CUL4A: variants seen among roughly 807,000 people sequenced by gnomAD.
The protein encoded by CUL4A is cullin 4A.
CUL4A carries 16 observed loss-of-function variants against 95.5 expected under a neutral mutation model. The ratio of observed to expected loss-of-function variants is 0.17; its 90% confidence interval spans 0.11 to 0.25. The LOEUF is 0.25. Ranked by LOEUF, CUL4A falls within the 10% of genes least tolerant of loss-of-function variation. The pLI is 1.00. For missense variants in CUL4A, 610 were observed against 937.0 expected (o/e 0.65, Z 4.56); for synonymous variants, 380 against 353.1 (o/e 1.08, Z -0.85).
In CUL4A at chr13:113,243,066, C is replaced by T; in HGVS notation, c.1134C>T (p.Val378=). ...FKDKVDHVIE[V]CFQKNERFVN... ...ACAAGGTGGACCACGTGATCGAGGT[C>T]TGCTTCCAGAAGAATGAGCGGTTCG... The change falls in exon 11 of 20, where the codon GTC becomes GTT. Residue 378 remains valine (V), a synonymous_variant. Transcript: ENST00000375440. 6.2e-7 allele frequency: 1 copy of T among 1,614,198 alleles called. No homozygotes were observed. The highest frequency in any genetic ancestry group is 1.1e-5 in the South Asian group (1 of 91,086).
intron 10 of CUL4A, among the ~76,000 whole-genome samples, 153 bp downstream of exon 10, chr13:113,239,704 T>C (rs1177767263): frequency 6.6e-6 from 1 of 152,220 alleles, no homozygotes; most frequent in East Asian, 1.9e-4. Context: ...GACAGTAGGC[T>C]TCCATCTGCT....
intron 15 of CUL4A, among the ~76,000 whole-genome samples, chr13:113,250,762 A>G (rs1230777875): frequency 1.3e-5 from 2 of 152,186 alleles, no homozygotes; most frequent in Non-Finnish European, 2.9e-5. Context: ...TGGTAATGGC[A>G]TAGTAGATAC....
chr13:113,231,436 G>T (rs539423901), intron 5 of CUL4A, among the ~76,000 whole-genome samples: 24 of 152,302 alleles, frequency 1.6e-4, no homozygotes, highest in African/African-American at 5.5e-4. Context: ...GAAGAAGCCT[G>T]TGTGGGGAGT....
chr13:113,241,601 G>A (rs2041712660), intron 10 of CUL4A, among the ~76,000 whole-genome samples: 1 of 146,492 alleles, frequency 6.8e-6, no homozygotes, highest in Non-Finnish European at 1.5e-5. Flanking sequence ...TGCAACCTCT[G>A]CCTCCTGGGT....
chr13:113,256,590 ATTTTGATTTCTGATTC>A lies in CUL4A; in HGVS notation c.2031+1469_2031+1484del, dbSNP rs1452481937. On this transcript the variant is annotated intron_variant, in intron 18 of 19. Coordinates refer to ENST00000375440, the MANE Select transcript of CUL4A (RefSeq NM_001008895.4). ...CCAAAGATAGTTTGTTGCAGTTTTC[ATTTTGATTTCTGATTC>A]TTTACAGCATCTTTCTACCACTCAG... Among the ~76,000 whole-genome samples, 8 of 152,266 alleles carry A rather than the reference ATTTTGATTTCTGATTC, an allele frequency of 5.3e-5. No homozygotes were observed. In the East Asian group the frequency reaches 1.5e-3, roughly 29 times the overall value.
Position 113,245,069 on chromosome 13 carries a change from TG to T in CUL4A, c.1444+14del. On this transcript the variant is annotated intron_variant, in intron 13 of 19. Coordinates refer to ENST00000375440, the MANE Select transcript of CUL4A (RefSeq NM_001008895.4). ...TCAAAGCTCAAGCATGGTAAGTATG[TG>T]GGGCCTGGGCTCCTCCCCTGTAACT... 5.6e-6 allele frequency: 9 copies of T among 1,612,162 alleles called. No individual in the cohort carries two copies. The highest frequency in any genetic ancestry group is 7.6e-6 in the Non-Finnish European group (9 of 1,178,156).
At chr13:113,254,553 C>T (rs1036888260) in intron 16 of CUL4A, 140 bp from the exon 17 acceptor site, 34 of 559,816 alleles carry the variant, frequency 6.1e-5, no homozygotes, top group Non-Finnish European at 9.0e-5. Context: ...TGAGATTGTG[C>T]CACTGCACTC....
At chr13:113,224,271 T>A (rs2041018177) in intron 3 of CUL4A, among the ~76,000 whole-genome samples, 1 of 151,794 alleles carries the variant, frequency 6.6e-6, no homozygotes, top group African/African-American at 2.4e-5. Context: ...GAGAATGGCA[T>A]GAACCCGGGA....
intron 15 of CUL4A, among the ~76,000 whole-genome samples, chr13:113,249,143 A>G (rs1187656615): frequency 6.6e-6 from 1 of 152,194 alleles, no homozygotes; most frequent in Non-Finnish European, 1.5e-5. Flanking sequence ...CAGAAATGGA[A>G]TCACAATATG....
Position 113,233,250 on chromosome 13 carries a change from A to C in CUL4A, c.586A>C (p.Ile196Leu), listed in dbSNP as rs1437485650. Residue 196 changes from isoleucine (I) to leucine (L), a missense_variant, in exon 6 of 20, where the codon ATC becomes CTC. Transcript: ENST00000375440. ...GGTTCAGAGTAAAACCATTGATGGA[A>C]TCCTACTGCTGATCGAGCGCGAGAG... ...KMVQSKTIDG[I>L]LLLIERERSG... The C allele has an allele frequency of 3.7e-6, 6 of 1,614,132 alleles. No individual in the cohort carries two copies. In the Admixed American group the frequency reaches 6.7e-5, roughly 18 times the overall value.
Position 113,263,498 on chromosome 13 carries a change from G to A in CUL4A, c.2196G>A (p.Leu732=). The A allele has an allele frequency of 6.3e-7, 1 of 1,598,692 alleles. No homozygotes were observed. Among genetic ancestry groups the A allele is most frequent in the Non-Finnish European group, 8.5e-7 (1 of 1,173,500 alleles). The change falls in exon 20 of 20, where the codon TTG becomes TTA. Residue 732 remains leucine, a synonymous_variant. Coordinates refer to ENST00000375440, the MANE Select transcript of CUL4A (RefSeq NM_001008895.4). ...QLKFPVKPGD[L]KKRIESLIDR... The stretch of plus-strand genomic sequence containing the variant: ...TTCTTCTTTTTTAGCCTGGAGATTT[G>A]AAAAAGAGAATTGAATCTCTGATAG...
intron 9 of CUL4A, among the ~76,000 whole-genome samples, chr13:113,237,255 CG>C (rs1325976777): frequency 2.0e-5 from 3 of 152,176 alleles, no homozygotes; most frequent in Non-Finnish European, 4.4e-5. Flanking sequence ...GTAGGGGACT[CG>C]GGGAGCTGTT....
At chr13:113,214,000 G>A (rs1171654440) in intron 2 of CUL4A, among the ~76,000 whole-genome samples, 1 of 152,248 alleles carries the variant, frequency 6.6e-6, no homozygotes, top group Non-Finnish European at 1.5e-5. Context: ...TGATCAAGCA[G>A]GCAATACATT....
At chr13:113,237,365 T>TAA (rs2041579959) in intron 9 of CUL4A, among the ~76,000 whole-genome samples, 1 of 152,222 alleles carries the variant, frequency 6.6e-6, no homozygotes, top group Admixed American at 6.5e-5. Context: ...AAGCAGAGTA[T>TAA]ACTTTTCTCC....
At chr13:113,247,750 C>T (rs895728222) in intron 15 of CUL4A, among the ~76,000 whole-genome samples, 1 of 152,198 alleles carries the variant, frequency 6.6e-6, no homozygotes, top group Non-Finnish European at 1.5e-5. Flanking sequence ...CTTCCTGTCT[C>T]CACAGATGTT....
chr13:113,209,797 AG>A, intron 1 of CUL4A, 22 bp downstream of exon 1: 1 of 1,168,562 alleles, frequency 8.6e-7, no homozygotes. Context: ...GGCCGGGTCG[AG>A]GGCCAGGCGC....
At chr13:113,241,386 T>C (rs1222331060) in intron 10 of CUL4A, among the ~76,000 whole-genome samples, 2 of 152,130 alleles carry the variant, frequency 1.3e-5, no homozygotes, top group Non-Finnish European at 2.9e-5. Context: ...GGCCTTGTAG[T>C]GTATGTGCAT....
intron 2 of CUL4A, 79 bp downstream of exon 2, chr13:113,210,167 C>T (rs2040332529): frequency 1.1e-6 from 1 of 917,712 alleles, no homozygotes; most frequent in South Asian, 2.0e-5. Context: ...CTCCGGGTGC[C>T]TCGCAGGCTC....
At chr13:113,214,957 C>CAT (rs2040591760) in intron 2 of CUL4A, among the ~76,000 whole-genome samples, 1 of 143,272 alleles carries the variant, frequency 7.0e-6, no homozygotes, top group Non-Finnish European at 1.5e-5. Flanking sequence ...GAGGTCACGT[C>CAT]CCATGTGGCT....
Sources: allele counts gnomAD v4.1 joint callset (sites outside exome capture counted in the v4.1 genomes callset), GRCh38; gene constraint gnomAD v4.1.1; transcripts MANE v1.5; gene names NCBI Gene and HGNC (gene_info 2026-07-23, HGNC 2026-07-21).